Variants in CD247 observed in about 807,000 individuals in gnomAD.
The protein encoded by CD247 is CD247 molecule.
In CD247, 13 loss-of-function variants were observed where a neutral mutation model predicts 30.0. The ratio of observed to expected loss-of-function variants is 0.43; its 90% CI spans 0.28 to 0.69. The LOEUF is 0.69. CD247 is among the 30% of genes least tolerant of loss of function. The pLI, the probability that CD247 is intolerant of heterozygous loss-of-function variation, is 0.16. For synonymous variants in CD247, 72 were observed against 80.0 expected, an observed-to-expected ratio of 0.90 and a Z score of 0.53; for missense variants, 193 against 212.6, an observed-to-expected ratio of 0.91 and a Z score of 0.57.
At chr1:167,493,147 A>T (rs1307682206) in intron 1 of CD247, among the ~76,000 whole-genome samples, 1 of 137,606 alleles carries the variant, frequency 7.3e-6, no homozygotes, top group African/African-American at 2.8e-5. Context: ...GGTTCAAGCT[A>T]TTCTCCTGCC....
intron 1 of CD247, among the ~76,000 whole-genome samples, chr1:167,507,589 T>C (rs952848150): frequency 6.6e-6 from 1 of 152,184 alleles, no homozygotes; most frequent in African/African-American, 2.4e-5. Context: ...ATCCCAGCAC[T>C]TTGGGAGGCC....
chr1:167,434,163 C>T (rs1651415206), intron 5 of CD247, 87 bp from the exon 6 acceptor site: 2 of 1,276,508 alleles, frequency 1.6e-6, no homozygotes, highest in Admixed American at 1.7e-5. Context: ...TCTTGATCCC[C>T]AAGTTGGCAG....
intron 1 of CD247, among the ~76,000 whole-genome samples, 159 bp downstream of exon 1, chr1:167,518,249 C>A (rs1183749856): frequency 6.6e-6 from 1 of 152,138 alleles, no homozygotes; most frequent in Non-Finnish European, 1.5e-5. Flanking sequence ...ATGCCAGCAC[C>A]GGGCCGGACC....
At chr1:167,432,116 C>A (rs1381068133) in intron 7 of CD247, among the ~76,000 whole-genome samples, 2 of 152,102 alleles carry the variant, frequency 1.3e-5, no homozygotes, top group South Asian at 2.1e-4. Flanking sequence ...GGGGAGGGCC[C>A]AGACCTGCTC....
intron 1 of CD247, 81 bp from the exon 2 acceptor site, chr1:167,440,848 T>G: frequency 2.4e-6 from 2 of 824,724 alleles, no homozygotes; most frequent in Non-Finnish European, 4.1e-6. Context: ...GCACTAGGAC[T>G]GACTGACCAA....
intron 1 of CD247, among the ~76,000 whole-genome samples, chr1:167,465,327 C>CT (rs765176193): frequency 0.095 from 11,002 of 115,270 alleles, 717 homozygotes; most frequent in East Asian, 0.23. Flanking sequence ...TTTTCTTTTT[C>CT]TTTTTTTTTT....
intron 1 of CD247, among the ~76,000 whole-genome samples, chr1:167,469,034 G>A (rs1195308167): frequency 6.6e-6 from 1 of 151,604 alleles, no homozygotes; most frequent in South Asian, 2.1e-4. Flanking sequence ...TTTTCCTGGA[G>A]TGCAGTGGCA....
chr1:167,471,896 G>A (rs754963966), intron 1 of CD247, among the ~76,000 whole-genome samples: 7 of 141,326 alleles, frequency 5.0e-5, no homozygotes, highest in African/African-American at 1.1e-4. Flanking sequence ...GCAGTAGTGC[G>A]ATCTCGGCTC....
chr1:167,433,096 AAGTC>A (rs1482508169), intron 6 of CD247, 37 bp from the exon 7 acceptor site: 1 of 1,612,312 alleles, frequency 6.2e-7, no homozygotes, highest in Admixed American at 1.7e-5. Context: ...AAGGATTAGA[AAGTC>A]AGGCAGTCAG....
At chr1:167,454,286 A>G (rs969753132) in intron 1 of CD247, among the ~76,000 whole-genome samples, 9 of 152,206 alleles carry the variant, frequency 5.9e-5, no homozygotes, top group African/African-American at 2.2e-4. Flanking sequence ...CAGAGGAGCC[A>G]CGGGAGGGGG....
intron 2 of CD247, chr1:167,440,365 G>T: frequency 6.5e-6 from 3 of 458,904 alleles, no homozygotes; most frequent in South Asian, 4.2e-5. Flanking sequence ...CTGAGTGTAA[G>T]CCCCTTTGTC....
At chr1:167,438,701 A>C in intron 3 of CD247, 51 bp from the exon 4 acceptor site, 1 of 1,434,928 alleles carries the variant, frequency 7.0e-7, no homozygotes, top group Non-Finnish European at 9.8e-7. Context: ...CCTCAGAAGG[A>C]TGGAGCCAGC....
At chr1:167,473,541 GA>G (rs936294792) in intron 1 of CD247, among the ~76,000 whole-genome samples, 3 of 150,876 alleles carry the variant, frequency 2.0e-5, no homozygotes, top group Non-Finnish European at 4.4e-5. Context: ...ATTCCCATTA[GA>G]AAAAAAAATG....
intron 1 of CD247, among the ~76,000 whole-genome samples, chr1:167,488,587 C>G (rs863455): frequency 1.3e-5 from 2 of 151,908 alleles, no homozygotes; most frequent in Non-Finnish European, 2.9e-5. Flanking sequence ...TGAGGGGAAC[C>G]GGATATTGAA....
chr1:167,513,942 G>A (rs1655495364), intron 1 of CD247, among the ~76,000 whole-genome samples: 1 of 151,890 alleles, frequency 6.6e-6, no homozygotes, highest in African/African-American at 2.4e-5. Context: ...CCCCTCCACT[G>A]GTTTAATTTC....
chr1:167,507,608 T>C (rs1398914131), intron 1 of CD247, among the ~76,000 whole-genome samples: 1 of 152,004 alleles, frequency 6.6e-6, no homozygotes, highest in Non-Finnish European at 1.5e-5. Context: ...CCAAGGCTGG[T>C]GGATTATATG....
At chr1:167,505,182 C>G (rs1430772319) in intron 1 of CD247, among the ~76,000 whole-genome samples, 1 of 152,096 alleles carries the variant, frequency 6.6e-6, no homozygotes, top group Non-Finnish European at 1.5e-5. Flanking sequence ...CCAGCCTAGA[C>G]TGCAGTGGTA....
intron 1 of CD247, among the ~76,000 whole-genome samples, chr1:167,511,412 T>C (rs1480227201): frequency 1.3e-5 from 2 of 152,174 alleles, no homozygotes; most frequent in African/African-American, 2.4e-5. Flanking sequence ...GAACTGCAAA[T>C]TGAGGCGCAT....
intron 1 of CD247, among the ~76,000 whole-genome samples, chr1:167,500,951 G>A (rs1483818117): frequency 3.3e-5 from 5 of 152,056 alleles, no homozygotes; most frequent in Non-Finnish European, 4.4e-5. Context: ...CAGAGGTGGG[G>A]AGAGGCTTAC....
Sources: allele counts gnomAD v4.1 joint callset (sites outside exome capture counted in the v4.1 genomes callset), GRCh38; gene constraint gnomAD v4.1.1; transcripts MANE v1.5; gene names NCBI Gene and HGNC (gene_info 2026-07-23, HGNC 2026-07-21).